The following LCOR variants were observed in gnomAD, a reference collection of about 807,000 sequenced individuals.
LCOR encodes ligand-dependent corepressor.
A neutral mutation model predicts 64.4 loss-of-function variants in LCOR; 14 were observed. The observed-to-expected ratio is 0.22, with a 90% CI of 0.14 to 0.34. The LOEUF is 0.34. LCOR is among the 10% of genes least tolerant of loss of function. The pLI is 1.00. For missense variants in LCOR, 1,686 were observed against 1,765.3 expected (o/e 0.96, Z 0.80); for synonymous variants, 643 against 642.5 (o/e 1.00, Z -0.01).
intron 4 of LCOR, among the ~76,000 whole-genome samples, chr10:96,943,409 T>G (rs902424449): frequency 2.0e-5 from 3 of 152,268 alleles, no homozygotes; most frequent in Non-Finnish European, 2.9e-5. Context: ...ATTCACTGTT[T>G]ATATTTCAAA....
chr10:96,905,513 C>T (rs1050551509), intron 2 of LCOR, among the ~76,000 whole-genome samples: 6 of 151,946 alleles, frequency 3.9e-5, no homozygotes, highest in African/African-American at 1.2e-4. Context: ...TAAGTCAGAT[C>T]GTTCTGAAAA....
chr10:96,982,848 C>G lies in LCOR; in HGVS notation c.2388C>G (p.Leu796=), dbSNP rs3814163. 9.9e-6 allele frequency: 16 copies of G among 1,613,784 alleles called. No homozygotes were observed. Among genetic ancestry groups the G allele is most frequent in the Middle Eastern group, 1.6e-4 (1 of 6,084 alleles). ...CGTATGATACAAGCATTGACTCACT[C>G]GAAGAGAATTTGGACAAGAAGAAAA... ...KDTYDTSIDS[L]EENLDKKKKG... is the part of the protein sequence containing the mutation. Residue 796 remains leucine, a synonymous_variant, in exon 8 of 8, where the codon CTC becomes CTG. Transcript: ENST00000421806.
In LCOR at chr10:96,982,831, A is replaced by G; in HGVS notation, c.2371A>G (p.Thr791Ala). 2 of 1,614,120 alleles carry G rather than the reference A, an allele frequency of 1.2e-6. No individual in the cohort carries two copies. Among genetic ancestry groups the G allele is most frequent in the Non-Finnish European group, 1.7e-6 (2 of 1,180,030 alleles). ...KCLSEKDTYD[T>A]SIDSLEENLD... ...CCTGTCAGAAAAAGACACGTATGAT[A>G]CAAGCATTGACTCACTCGAAGAGAA... Residue 791 changes from threonine to alanine, a missense_variant, in exon 8 of 8, where the codon ACA becomes GCA. Physicochemically the swap from Thr to Ala is moderately conservative, Grantham distance 58 (BLOSUM62 0). Coordinates refer to ENST00000421806, the MANE Select transcript of LCOR (RefSeq NM_001346516.2).
chr10:96,864,531 T>A (rs931900930), intron 2 of LCOR, among the ~76,000 whole-genome samples: 3 of 152,246 alleles, frequency 2.0e-5, no homozygotes, highest in Admixed American at 2.0e-4. Context: ...CGCATGGCAC[T>A]TAGAATATAA....
At chr10:96,963,107 T>C (rs1374076062) in intron 7 of LCOR, 1 of 152,230 alleles carries the variant, frequency 6.6e-6, no homozygotes, top group African/African-American at 2.4e-5. Context: ...ATTTTAAAGC[T>C]GCATATAACT....
At position 96,982,777 on chromosome 10, in the gene LCOR, T is replaced by A; in HGVS notation, c.2317T>A (p.Leu773Ile). 6.2e-7 allele frequency: 1 copy of A among 1,613,864 alleles called. No homozygotes were observed. Among genetic ancestry groups the A allele is most frequent in the Non-Finnish European group, 8.5e-7 (1 of 1,179,968 alleles). ...ESEAAGGIGKLEGEDGDVKCL... is the reference protein window; with the variant it reads ...ESEAAGGIGKIEGEDGDVKCL... Reference sequence around the variant, plus strand: ...TGAGGCAGCAGGTGGTATAGGAAAATTAGAGGGAGAGGACGGTGATGTAAA... The same window carrying A: ...TGAGGCAGCAGGTGGTATAGGAAAAATAGAGGGAGAGGACGGTGATGTAAA... The change falls in exon 8 of 8, where the codon TTA becomes ATA. Residue 773 changes from leucine (L) to isoleucine (I), a missense_variant. Transcript: ENST00000421806.
At chr10:96,958,742 C>CTCCCTCTT (rs1197984611) in intron 7 of LCOR, 1 of 280,514 alleles carries the variant, frequency 3.6e-6, no homozygotes, top group Non-Finnish European at 6.7e-6. Context: ...CTCCAAAGGT[C>CTCCCTCTT]TCTCTCTTTC....
chr10:96,887,247 A>G (rs996960953), intron 2 of LCOR, among the ~76,000 whole-genome samples: 2 of 152,150 alleles, frequency 1.3e-5, no homozygotes, highest in Non-Finnish European at 2.9e-5. Flanking sequence ...AGTTTTACCT[A>G]AGAATGCCCA....
chr10:96,832,855 C>T (rs1249578872), intron 1 of LCOR: 3 of 358,302 alleles, frequency 8.4e-6, no homozygotes, highest in South Asian at 1.1e-4. Flanking sequence ...TGGCCGCCGC[C>T]GTCCTCCTCC....
intron 7 of LCOR, among the ~76,000 whole-genome samples, chr10:96,980,425 G>A (rs552540815): frequency 5.3e-5 from 8 of 152,278 alleles, no homozygotes; most frequent in African/African-American, 1.9e-4. Context: ...AACGTATGAA[G>A]AATATCGTCA....
intron 4 of LCOR, among the ~76,000 whole-genome samples, chr10:96,931,914 A>G (rs1012783778): frequency 1.3e-5 from 2 of 152,182 alleles, no homozygotes; most frequent in African/African-American, 2.4e-5. Context: ...AGAAGACTGA[A>G]TGTTTTAAGG....
At chr10:96,965,653 C>G (rs1324340164) in intron 7 of LCOR, among the ~76,000 whole-genome samples, 1 of 119,544 alleles carries the variant, frequency 8.4e-6, no homozygotes, top group East Asian at 2.6e-4. Context: ...CAGAGCGAGA[C>G]TCTGTCTCAA....
chr10:96,972,675 T>TTA (rs960615534), intron 7 of LCOR, among the ~76,000 whole-genome samples: 44 of 152,252 alleles, frequency 2.9e-4, no homozygotes, highest in African/African-American at 1.1e-3. Context: ...TATATAAGCC[T>TTA]TAAAGTGCTT....
Position 96,919,354 on chromosome 10 carries a change from T to C in LCOR, c.-184+11607T>C, listed in dbSNP as rs528490226. ...CTTTCCTTTCTTATGAACTGGTATT[T>C]GCACATTAGACTTTCTTTGTTCTTT... On this transcript the variant is annotated intron_variant, in intron 4 of 7. Transcript: ENST00000421806. Among the ~76,000 whole-genome samples, 12 of 152,324 alleles carry C rather than the reference T, an allele frequency of 7.9e-5. No individual in the cohort carries two copies. The East Asian group carries it at 2.3e-3, about 29-fold the overall frequency.
Position 96,877,598 on chromosome 10 carries a change from ATTTTTTTTTTTTTTTTT to A in LCOR, c.-329-29652_-329-29636del, listed in dbSNP as rs57119025. On this transcript the variant is annotated intron_variant, in intron 2 of 7. Coordinates refer to ENST00000421806, the MANE Select transcript of LCOR (RefSeq NM_001346516.2). Reference sequence around the variant, plus strand: ...CAAGGGTGTCAACTCATTTTTCTGAATTTTTTTTTTTTTTTTTTTTTTTTTTTTTTTGAGACGGAGTC... The same window carrying A: ...CAAGGGTGTCAACTCATTTTTCTGAATTTTTTTTTTTTTTGAGACGGAGTC... 4.0e-4 allele frequency among the ~76,000 whole-genome samples: 26 copies of A among 65,662 alleles called. 1 individual carries two copies. Among genetic ancestry groups the A allele is most frequent in the Admixed American group, 1.3e-3 (5 of 3,756 alleles). The allele number at this position is 65,662 out of a possible 152,430, so 43.1% of individuals were successfully genotyped here.
intron 2 of LCOR, among the ~76,000 whole-genome samples, chr10:96,835,196 C>T (rs1845421976): frequency 6.8e-6 from 1 of 147,574 alleles, no homozygotes; most frequent in Admixed American, 6.7e-5. Context: ...GCCACTGTGC[C>T]CGGCCGTGTT....
At chr10:96,945,290 T>G (rs759442534) in intron 5 of LCOR, among the ~76,000 whole-genome samples, 1 of 152,198 alleles carries the variant, frequency 6.6e-6, no homozygotes, top group Non-Finnish European at 1.5e-5. Context: ...TTCTTTACAG[T>G]TGGACACTAG....
rs1378892856 is a variant in LCOR, at chr10:96,989,561, A to G, written c.*4427A>G. 2 of 151,288 alleles carry G rather than the reference A, an allele frequency of 1.3e-5. No individual in the cohort carries two copies. The highest frequency in any genetic ancestry group is 4.9e-5 in the African/African-American group (2 of 41,124). The allele number at this position is 151,288 out of a possible 1,614,324, so 9.4% of individuals were successfully genotyped here. ...TATTAAAGGTAAGCCAACAAATAAA[A>G]CATAGAGGCTTTTGAAGTGCTTTAA... On this transcript the variant is annotated 3_prime_UTR_variant, in exon 8 of 8. Transcript: ENST00000421806.
rs569713220 is a variant in LCOR, at chr10:96,959,078, C to T, written c.332+6882C>T. On this transcript the variant is annotated intron_variant, in intron 7 of 7. Coordinates refer to ENST00000421806, the MANE Select transcript of LCOR (RefSeq NM_001346516.2). The stretch of plus-strand genomic sequence containing the variant: ...TGTATTTCTCGGAGGTGGCTCATCA[C>T]ACGGCTGGTGGCAGTCTTGGTGCCG... 4.6e-5 allele frequency: 7 copies of T among 152,114 alleles called. No homozygotes were observed. The East Asian group carries it at 1.4e-3, about 29-fold the overall frequency. The allele number at this position is 152,114 out of a possible 1,614,324, so 9.4% of individuals were successfully genotyped here.
Sources: gnomAD v4.1 joint callset for allele counts (sites outside exome capture counted in the v4.1 genomes callset) on GRCh38, gnomAD v4.1.1 for gene constraint, MANE v1.5 for transcripts, NCBI Gene and HGNC (gene_info 2026-07-23, HGNC 2026-07-21) for gene names.